Variants in LRRFIP2 observed in about 807,000 individuals in gnomAD.
LRRFIP2 encodes LRR binding FLII interacting protein 2, also known as leucine-rich repeat flightless-interacting protein 2.
A neutral mutation model predicts 125.9 loss-of-function variants in LRRFIP2; 109 were observed. The observed-to-expected ratio is 0.87, with a 90% CI of 0.74 to 1.01. The LOEUF is 1.01. Among genes scored for constraint, LRRFIP2 ranks in the 50% least tolerant of loss-of-function variants. The probability of loss-of-function intolerance (pLI) is 0.00; values close to 1 mark genes in which losing one functional copy is unlikely to be tolerated. For synonymous variants in LRRFIP2, 291 were observed against 293.1 expected (o/e 0.99, Z 0.07); for missense variants, 850 against 862.3 (o/e 0.99, Z 0.18).
upstream of LRRFIP2, chr3:37,176,133 C>T (rs980600195): frequency 6.6e-6 from 1 of 152,340 alleles, no homozygotes; most frequent in Non-Finnish European, 1.5e-5. Flanking sequence ...GCCCGGCGCC[C>T]GCTGGGGCTA....
intron 25 of LRRFIP2, 137 bp from the exon 26 acceptor site, chr3:37,055,302 C>G (rs565299749): frequency 1.9e-6 from 1 of 521,010 alleles, no homozygotes; most frequent in East Asian, 3.4e-5. Flanking sequence ...CGGTGACTCA[C>G]GCCTGTAATC....
At chr3:37,153,824 T>G (rs2096100318) in intron 1 of LRRFIP2, among the ~76,000 whole-genome samples, 1 of 152,068 alleles carries the variant, frequency 6.6e-6, no homozygotes, top group South Asian at 2.1e-4. Flanking sequence ...ACACCTAGGT[T>G]TTTATATGAC....
In LRRFIP2 at chr3:37,149,055, CATA is replaced by C; in HGVS notation, c.-55-20_-55-18del. On this transcript the variant is annotated intron_variant, in intron 1 of 27. Coordinates refer to ENST00000336686, the MANE Select transcript of LRRFIP2 (RefSeq NM_006309.4). ...TTTTCAGCCCTGAAGTAAACAAAAA[CATA>C]ATAACTTAAGGTATTTCTTTGTGCA... 1 of 1,580,332 alleles carries C rather than the reference CATA, an allele frequency of 6.3e-7. No individual in the cohort carries two copies. Among genetic ancestry groups the C allele is most frequent in the Non-Finnish European group, 8.6e-7 (1 of 1,165,104 alleles).
At chr3:37,150,682 G>GTATA (rs934207807) in intron 1 of LRRFIP2, among the ~76,000 whole-genome samples, 12 of 152,082 alleles carry the variant, frequency 7.9e-5, no homozygotes, top group African/African-American at 2.9e-4. Context: ...TTGCTAAGAA[G>GTATA]TATAGCTCAT....
intron 1 of LRRFIP2, among the ~76,000 whole-genome samples, chr3:37,165,619 G>C (rs921466645): frequency 6.6e-6 from 1 of 151,886 alleles, no homozygotes; most frequent in African/African-American, 2.4e-5. Context: ...GGGCGTGGTG[G>C]CAGGTGCCTG....
intron 19 of LRRFIP2, among the ~76,000 whole-genome samples, chr3:37,083,329 C>T (rs1310475456): frequency 6.6e-6 from 1 of 152,010 alleles, no homozygotes; most frequent in African/African-American, 2.4e-5. Flanking sequence ...CACTTGTAAC[C>T]AGAAGAAATA....
intron 18 of LRRFIP2, among the ~76,000 whole-genome samples, chr3:37,085,555 CA>C (rs989470723): frequency 6.9e-6 from 1 of 144,678 alleles, no homozygotes; most frequent in Non-Finnish European, 1.5e-5. Context: ...CATTATAAAC[CA>C]AAAAAAAAGA....
chr3:37,066,017 A>T, intron 22 of LRRFIP2, 75 bp from the exon 23 acceptor site: 1 of 1,579,158 alleles, frequency 6.3e-7, no homozygotes, highest in Non-Finnish European at 8.7e-7. Context: ...ACTCTGCAAC[A>T]ATACATGTTT....
chr3:37,164,224 C>A (rs1384224586), intron 1 of LRRFIP2, among the ~76,000 whole-genome samples: 4 of 152,042 alleles, frequency 2.6e-5, no homozygotes, highest in Non-Finnish European at 4.4e-5. Flanking sequence ...GTATGATATA[C>A]CACATGGCTG....
Position 37,054,504 on chromosome 3 carries a change from A to C in LRRFIP2, c.1962T>G (p.Leu654=). Residue 654 remains leucine, a synonymous_variant, in exon 27 of 28, where the codon CTT becomes CTG. Coordinates refer to ENST00000336686, the MANE Select transcript of LRRFIP2 (RefSeq NM_006309.4). ...ITTLEQSISR[L]EGQVLRYKTA... ...TTTTATATCTCAGAACCTGTCCCTC[A>C]AGCCGGCTAATCTGTAAGTATGAGA... The C allele has an allele frequency of 1.9e-6, 3 of 1,613,480 alleles. No individual in the cohort carries two copies. Among genetic ancestry groups the C allele is most frequent in the Non-Finnish European group, 2.5e-6 (3 of 1,179,598 alleles).
In LRRFIP2 at chr3:37,091,105, G is replaced by A. The variant is rs181600408; in HGVS notation, c.1107+362C>T. Among the ~76,000 whole-genome samples the A allele has an allele frequency of 2.7e-3, 415 of 152,256 alleles. 2 individuals carry two copies. The highest frequency in any genetic ancestry group is 9.7e-3 in the African/African-American group (404 of 41,558). ...AAAACTGTAAAGGAGGCTGGGCGAG[G>A]TGGCTCATGCCTGTAATCCCAGCAC... On this transcript the variant is annotated intron_variant, in intron 18 of 27. Transcript: ENST00000336686.
chr3:37,126,485 T>C (rs1307981436), intron 4 of LRRFIP2, among the ~76,000 whole-genome samples: 1 of 152,090 alleles, frequency 6.6e-6, no homozygotes, highest in East Asian at 1.9e-4. Context: ...TTTAAAACTC[T>C]AGCCCAAAGG....
chr3:37,115,498 A>G (rs1376382393), intron 6 of LRRFIP2, among the ~76,000 whole-genome samples: 1 of 152,204 alleles, frequency 6.6e-6, no homozygotes, highest in East Asian at 1.9e-4. Context: ...TTGTTTGAAA[A>G]ATGGCAAAAG....
rs2149228187 is a variant in LRRFIP2 at position 37,094,908 on chromosome 3, G to C, written c.919C>G (p.Pro307Ala). ...GCTGAGGCAGAATTTCGAGATGAAG[G>C]CTAGAAAGAGAAATATGACCCTTCT... Reference protein sequence around the residue: ...DKQYAENYTRPSSRNSASATT... With the variant: ...DKQYAENYTRASSRNSASATT... The change falls in exon 17 of 28, where the codon CCT becomes GCT. Residue 307 changes from proline to alanine, a missense_variant and splice_region_variant. Physicochemically the swap from Pro to Ala is conservative, Grantham distance 27. Transcript: ENST00000336686. 9.6e-6 allele frequency: 15 copies of C among 1,570,136 alleles called. No homozygotes were observed. Among genetic ancestry groups the C allele is most frequent in the African/African-American group, 1.3e-5 (1 of 74,128 alleles).
intron 13 of LRRFIP2, among the ~76,000 whole-genome samples, chr3:37,105,934 G>A (rs2094301707): frequency 6.6e-6 from 1 of 152,028 alleles, no homozygotes. Flanking sequence ...GTATGGTGGC[G>A]GGTGCCTGTA....
Position 37,132,462 on chromosome 3 carries a change from G to C in LRRFIP2, c.91-3313C>G, listed in dbSNP as rs540354466. On this transcript the variant is annotated intron_variant, in intron 2 of 27. Transcript: ENST00000336686. The stretch of plus-strand genomic sequence containing the variant: ...AATAAGACATTTTTAACTACAAAAA[G>C]GAAAGGAACAGAAAGAACATGGGCT... Among the ~76,000 whole-genome samples, 19 of 152,218 alleles carry C rather than the reference G, an allele frequency of 1.2e-4. No homozygotes were observed. In the South Asian group the frequency reaches 3.9e-3, roughly 32 times the overall value.
intron 2 of LRRFIP2, chr3:37,135,067 A>G (rs1285875575): frequency 7.2e-7 from 1 of 1,396,688 alleles, no homozygotes; most frequent in African/African-American, 1.4e-5. Context: ...AAAGTACAAC[A>G]GAATATCTCG....
At chr3:37,088,877 A>G (rs2093262859) in intron 18 of LRRFIP2, among the ~76,000 whole-genome samples, 1 of 152,074 alleles carries the variant, frequency 6.6e-6, no homozygotes, top group African/African-American at 2.4e-5. Context: ...TTTTCATTGG[A>G]GGTAAAAATA....
Position 37,140,032 on chromosome 3 carries a change from A to G in LRRFIP2, c.90+8862T>C, listed in dbSNP as rs116751484. On this transcript the variant is annotated intron_variant, in intron 2 of 27. Transcript: ENST00000336686. ...CTCATCTGTCTTTTCTGGACTTTCA[A>G]TATCACTAAACACATATTCTTTCTT... Among the ~76,000 whole-genome samples, 301 of 152,306 alleles carry G rather than the reference A, an allele frequency of 2.0e-3. 2 individuals carry two copies. Among genetic ancestry groups the G allele is most frequent in the African/African-American group, 7.1e-3 (294 of 41,558 alleles).
Sources: allele counts gnomAD v4.1 joint callset (sites outside exome capture counted in the v4.1 genomes callset), GRCh38; gene constraint gnomAD v4.1.1; transcripts MANE v1.5; gene names NCBI Gene and HGNC (gene_info 2026-07-23, HGNC 2026-07-21).